Variants in DAB1 observed in about 807,000 individuals in gnomAD.
DAB1 encodes the protein DAB adaptor protein 1.
A neutral mutation model predicts 64.6 loss-of-function variants in DAB1; 15 were observed. The ratio of observed to expected loss-of-function variants is 0.23; its 90% CI spans 0.16 to 0.36. The LOEUF (loss-of-function observed/expected upper bound fraction) is 0.36, where lower values mean the gene tolerates loss of function less well. Ranked by LOEUF, DAB1 falls within the 10% of genes least tolerant of loss-of-function variation. The probability of loss-of-function intolerance (pLI) is 1.00; values close to 1 mark genes in which losing one functional copy is unlikely to be tolerated. For missense variants in DAB1, 596 were observed against 706.7 expected, an observed-to-expected ratio of 0.84 and a Z score of 1.78; for synonymous variants, 235 against 251.9, an observed-to-expected ratio of 0.93 and a Z score of 0.64.
chr1:57,575,866 AC>A (rs1645243595), intron 7 of DAB1, among the ~76,000 whole-genome samples: 1 of 152,204 alleles, frequency 6.6e-6, no homozygotes, highest in Admixed American at 6.5e-5. Context: ...AAGTTGATAT[AC>A]TGATAATTAA....
intron 7 of DAB1, among the ~76,000 whole-genome samples, chr1:57,644,496 A>C (rs1646168636): frequency 1.3e-5 from 2 of 152,172 alleles, no homozygotes; most frequent in South Asian, 2.1e-4. Context: ...GTGCAACCAG[A>C]GAAGCAGAAA....
chr1:58,396,570 G>A (rs1238403499), intron 3 of DAB1, among the ~76,000 whole-genome samples: 2 of 151,932 alleles, frequency 1.3e-5, no homozygotes, highest in Non-Finnish European at 2.9e-5. Flanking sequence ...GAGACACAGA[G>A]ATATGCAAGG....
At chr1:57,339,304 C>T (rs1417495947) in intron 1 of DAB1, among the ~76,000 whole-genome samples, 8 of 152,016 alleles carry the variant, frequency 5.3e-5, no homozygotes, top group Admixed American at 2.0e-4. Flanking sequence ...TACAGGCGCC[C>T]GCCACCAAGC....
intron 9 of DAB1, among the ~76,000 whole-genome samples, chr1:57,033,999 C>T (rs1457895794): frequency 2.0e-5 from 3 of 152,106 alleles, no homozygotes; most frequent in Non-Finnish European, 2.9e-5. Context: ...CTCTTCCCCT[C>T]GGCCGGGCGC....
At chr1:57,899,586 G>A (rs542302998) in intron 5 of DAB1, among the ~76,000 whole-genome samples, 4 of 151,878 alleles carry the variant, frequency 2.6e-5, no homozygotes, top group Middle Eastern at 3.2e-3. Context: ...CCCTGAGACC[G>A]CAAACATGCA....
chr1:57,042,036 C>A (rs1015868119), intron 9 of DAB1, among the ~76,000 whole-genome samples: 1 of 152,152 alleles, frequency 6.6e-6, no homozygotes, highest in African/African-American at 2.4e-5. Flanking sequence ...CATCATAAGT[C>A]AGAGCAGAGA....
intron 7 of DAB1, among the ~76,000 whole-genome samples, chr1:57,491,255 T>C (rs568733463): frequency 1.3e-5 from 2 of 152,104 alleles, no homozygotes; most frequent in South Asian, 4.2e-4. Context: ...ACTGAAACCC[T>C]GTCTCTACTA....
intron 7 of DAB1, among the ~76,000 whole-genome samples, chr1:57,524,017 A>G (rs189273400): frequency 6.6e-6 from 1 of 152,354 alleles, no homozygotes; most frequent in East Asian, 1.9e-4. Context: ...AAACAAATAT[A>G]TTTAAAAGGG....
Position 57,070,779 on chromosome 1 carries a change from G to GC in DAB1, c.597+243dup, listed in dbSNP as rs1651374824. The GC allele has an allele frequency of 5.1e-5, 27 of 525,504 alleles. No homozygotes were observed. In the South Asian group the frequency reaches 5.7e-4, roughly 11 times the overall value. The allele number at this position is 525,504 out of a possible 1,614,324, so 32.6% of individuals were successfully genotyped here. Reference sequence around the variant, plus strand: ...CAAACTTTTACAGACTGTGAAGGGGGCCGAGGCAGAGGCAAGAAGGGAGAA... The same window carrying GC: ...CAAACTTTTACAGACTGTGAAGGGGGCCCGAGGCAGAGGCAAGAAGGGAGAA... On this transcript the variant is annotated intron_variant, in intron 7 of 14. Transcript: ENST00000371236.
intron 4 of DAB1, among the ~76,000 whole-genome samples, chr1:58,152,160 T>A (rs552628198): frequency 2.0e-5 from 3 of 152,242 alleles, no homozygotes; most frequent in Admixed American, 2.0e-4. Flanking sequence ...CTCAGTGATG[T>A]CCTGAAGAGG....
chr1:57,448,503 A>G (rs1291287194), intron 7 of DAB1, among the ~76,000 whole-genome samples: 2 of 152,224 alleles, frequency 1.3e-5, no homozygotes, highest in African/African-American at 2.4e-5. Context: ...TCTGTAACTA[A>G]CAACACTTGA....
At chr1:57,239,519 G>A (rs1434159079) in intron 2 of DAB1, among the ~76,000 whole-genome samples, 1 of 152,148 alleles carries the variant, frequency 6.6e-6, no homozygotes, top group South Asian at 2.1e-4. Context: ...AGGCAATGGG[G>A]AGTGTGGTCC....
intron 4 of DAB1, among the ~76,000 whole-genome samples, chr1:58,341,892 C>T (rs901370160): frequency 2.0e-5 from 3 of 152,178 alleles, no homozygotes; most frequent in African/African-American, 7.2e-5. Flanking sequence ...TCCTGATAGG[C>T]TGTAAAGAAC....
At chr1:57,889,899 CG>C (rs68120488) in intron 5 of DAB1, among the ~76,000 whole-genome samples, 17,526 of 73,634 alleles carry the variant, frequency 0.24, 1,213 homozygotes, top group Admixed American at 0.33. Context: ...CAAACTGGGG[CG>C]GGGGGGGGGG....
At chr1:57,593,469 G>A (rs904468773) in intron 7 of DAB1, among the ~76,000 whole-genome samples, 2 of 152,188 alleles carry the variant, frequency 1.3e-5, no homozygotes, top group African/African-American at 4.8e-5. Context: ...GACCATGGGT[G>A]CACAAATCAA....
chr1:58,522,404 G>A (rs181525011), intron 2 of DAB1, among the ~76,000 whole-genome samples: 5 of 152,130 alleles, frequency 3.3e-5, no homozygotes, highest in Admixed American at 3.3e-4. Flanking sequence ...TATTAGAAAT[G>A]GAAGAGAAAC....
At chr1:57,322,012 G>A (rs1291526130) in intron 1 of DAB1, among the ~76,000 whole-genome samples, 2 of 152,160 alleles carry the variant, frequency 1.3e-5, no homozygotes, top group Non-Finnish European at 2.9e-5. Flanking sequence ...AAGTCTTTCC[G>A]ATGTTGAGCC....
At chr1:57,319,187 C>T (rs907941045) in intron 1 of DAB1, among the ~76,000 whole-genome samples, 3 of 152,192 alleles carry the variant, frequency 2.0e-5, no homozygotes, top group Admixed American at 6.5e-5. Context: ...GTGTGTGCTA[C>T]TCCCCTTCTC....
chr1:57,019,821 C>T (rs1181353755), intron 11 of DAB1, among the ~76,000 whole-genome samples: 1 of 152,204 alleles, frequency 6.6e-6, no homozygotes, highest in Non-Finnish European at 1.5e-5. Context: ...GGAACACCTG[C>T]CTTGCTGCCT....
Sources: allele counts gnomAD v4.1 joint callset (sites outside exome capture counted in the v4.1 genomes callset), GRCh38; gene constraint gnomAD v4.1.1; transcripts MANE v1.5; gene names NCBI Gene and HGNC (gene_info 2026-07-23, HGNC 2026-07-21).